The following HS6ST3 variants were observed in gnomAD, a reference collection of about 807,000 sequenced individuals.
HS6ST3 encodes heparan-sulfate 6-O-sulfotransferase 3.
A neutral mutation model predicts 36.7 loss-of-function variants in HS6ST3; 12 were observed. The observed-to-expected ratio is 0.33, with a 90% CI of 0.21 to 0.53. HS6ST3 has a LOEUF of 0.53. Ranked by LOEUF, HS6ST3 falls within the 20% of genes least tolerant of loss-of-function variation. HS6ST3 has a pLI of 0.95. For missense variants in HS6ST3, 584 were observed against 640.9 expected (o/e 0.91, Z 0.96); for synonymous variants, 240 against 257.5 (o/e 0.93, Z 0.65).
At chr13:96,206,780 C>T (rs910557631) in intron 1 of HS6ST3, among the ~76,000 whole-genome samples, 1 of 152,124 alleles carries the variant, frequency 6.6e-6, no homozygotes, top group African/African-American at 2.4e-5. Flanking sequence ...AATTGGACCC[C>T]TTCCTTACAA....
At chr13:96,684,950 G>A (rs923170809) in intron 1 of HS6ST3, among the ~76,000 whole-genome samples, 5 of 152,026 alleles carry the variant, frequency 3.3e-5, no homozygotes, top group Non-Finnish European at 5.9e-5. Context: ...GTGTATATGT[G>A]TATACACACA....
At chr13:96,707,382 A>T (rs537817205) in intron 1 of HS6ST3, among the ~76,000 whole-genome samples, 19 of 152,286 alleles carry the variant, frequency 1.2e-4, no homozygotes, top group Non-Finnish European at 2.8e-4. Context: ...ATGAGAAATA[A>T]ATGTTGTTGC....
intron 1 of HS6ST3, among the ~76,000 whole-genome samples, chr13:96,723,238 C>T (rs531213974): frequency 2.6e-5 from 4 of 152,178 alleles, no homozygotes; most frequent in African/African-American, 7.2e-5. Context: ...TGACACCATC[C>T]AGGAGACCTT....
chr13:96,784,699 C>T (rs1594859446), intron 1 of HS6ST3, among the ~76,000 whole-genome samples: 1 of 152,078 alleles, frequency 6.6e-6, no homozygotes, highest in African/African-American at 2.4e-5. Flanking sequence ...GCAAACAAGA[C>T]CCATATCAAC....
rs184136419 is a variant in HS6ST3 at position 96,676,316 on chromosome 13, G to A, written c.708-156174G>A. On this transcript the variant is annotated intron_variant, in intron 1 of 1. Transcript: ENST00000376705. ...TCTGAATTTCCTCTTCTTATAATGA[G>A]ATACTGGAGGTAAGGACTTCATTGT... Among the ~76,000 whole-genome samples the A allele has an allele frequency of 5.9e-5, 9 of 152,120 alleles. No individual in the cohort carries two copies. In the East Asian group the frequency reaches 1.7e-3, roughly 30 times the overall value.
chr13:96,136,439 G>T (rs1397401979), intron 1 of HS6ST3, among the ~76,000 whole-genome samples: 1 of 152,016 alleles, frequency 6.6e-6, no homozygotes, highest in Admixed American at 6.6e-5. Flanking sequence ...CCAGGACCAA[G>T]AGAGAGAAGG....
chr13:96,738,781 C>T (rs1876354255), intron 1 of HS6ST3, among the ~76,000 whole-genome samples: 1 of 152,164 alleles, frequency 6.6e-6, no homozygotes, highest in Non-Finnish European at 1.5e-5. Context: ...TATCAGCCTT[C>T]AAACTAGCTT....
chr13:96,567,857 C>A (rs2056287219), intron 1 of HS6ST3, among the ~76,000 whole-genome samples: 1 of 152,168 alleles, frequency 6.6e-6, no homozygotes, highest in South Asian at 2.1e-4. Flanking sequence ...TCGTGGCCTA[C>A]AAACAGATAA....
intron 1 of HS6ST3, among the ~76,000 whole-genome samples, chr13:96,215,818 ATTTAC>A (rs1341434278): frequency 6.6e-6 from 1 of 152,176 alleles, no homozygotes; most frequent in Non-Finnish European, 1.5e-5. Context: ...TAGTTGGACA[ATTTAC>A]TTAGCCCTTT....
At chr13:96,408,951 A>T (rs1343631976) in intron 1 of HS6ST3, among the ~76,000 whole-genome samples, 2 of 152,144 alleles carry the variant, frequency 1.3e-5, no homozygotes, top group Non-Finnish European at 2.9e-5. Context: ...AAGAAAAGAA[A>T]ATACTGTAAT....
intron 1 of HS6ST3, among the ~76,000 whole-genome samples, chr13:96,152,246 T>C (rs183035501): frequency 6.6e-6 from 1 of 152,134 alleles, no homozygotes; most frequent in Admixed American, 6.6e-5. Context: ...CCCTCTGCTA[T>C]TATTGCCACT....
At chr13:96,302,413 T>C (rs1232195667) in intron 1 of HS6ST3, among the ~76,000 whole-genome samples, 1 of 152,196 alleles carries the variant, frequency 6.6e-6, no homozygotes, top group African/African-American at 2.4e-5. Flanking sequence ...TGAAGATTAC[T>C]TAAGGATATG....
intron 1 of HS6ST3, among the ~76,000 whole-genome samples, chr13:96,649,462 A>G (rs1053511626): frequency 6.6e-6 from 1 of 152,102 alleles, no homozygotes; most frequent in African/African-American, 2.4e-5. Flanking sequence ...ATATTTGGGT[A>G]GGGACACAGC....
chr13:96,090,734 G>T lies in HS6ST3; in HGVS notation c.-129G>T. The T allele has an allele frequency of 5.2e-6, 3 of 574,930 alleles. No individual in the cohort carries two copies. Among genetic ancestry groups the T allele is most frequent in the Non-Finnish European group, 7.4e-6 (3 of 407,572 alleles). 35.6% of individuals were successfully genotyped at this position (574,930 alleles called of 1,614,324 possible). A position where few individuals can be genotyped will look rare whatever the true frequency, so the allele number is the denominator to read the frequency against. ...GGCCGCCAGCCAGCCACACGCCTCG[G>T]CGTCAGGGGCATGGAGGAACGGCGG... On this transcript the variant is annotated 5_prime_UTR_variant, in exon 1 of 2. Coordinates refer to ENST00000376705, the MANE Select transcript of HS6ST3 (RefSeq NM_153456.4).
At chr13:96,322,254 G>C (rs529050566) in intron 1 of HS6ST3, among the ~76,000 whole-genome samples, 1 of 151,814 alleles carries the variant, frequency 6.6e-6, no homozygotes, top group African/African-American at 2.4e-5. Flanking sequence ...TTTTAAAAAC[G>C]CTACTTCTGG....
At chr13:96,317,374 A>ATATATATATAAAAT (rs1174393523) in intron 1 of HS6ST3, among the ~76,000 whole-genome samples, 11 of 3,052 alleles carry the variant, frequency 3.6e-3, no homozygotes, top group African/African-American at 0.018. Flanking sequence ...ATATAAAATT[A>ATATATATATAAAAT]TATATATATA....
chr13:96,397,815 C>T (rs568366761), intron 1 of HS6ST3, among the ~76,000 whole-genome samples: 7 of 152,034 alleles, frequency 4.6e-5, no homozygotes, highest in African/African-American at 1.7e-4. Flanking sequence ...GTGTGAAGAG[C>T]TTTACACATC....
At chr13:96,546,096 G>A (rs914611977) in intron 1 of HS6ST3, among the ~76,000 whole-genome samples, 2 of 152,078 alleles carry the variant, frequency 1.3e-5, no homozygotes, top group African/African-American at 4.8e-5. Context: ...TAGTAACAGT[G>A]GTGATTTAAA....
At chr13:96,356,634 A>G (rs1190736857) in intron 1 of HS6ST3, among the ~76,000 whole-genome samples, 1 of 152,212 alleles carries the variant, frequency 6.6e-6, no homozygotes, top group Non-Finnish European at 1.5e-5. Flanking sequence ...ACCATCTGTA[A>G]ACAGATTTGA....
Sources: gnomAD v4.1 joint callset for allele counts (sites outside exome capture counted in the v4.1 genomes callset) on GRCh38, gnomAD v4.1.1 for gene constraint, MANE v1.5 for transcripts, NCBI Gene and HGNC (gene_info 2026-07-23, HGNC 2026-07-21) for gene names.